Variants in SLC30A8 observed in about 807,000 individuals in gnomAD.
SLC30A8 encodes proton-coupled zinc antiporter SLC30A8.
Under a neutral mutation model 36.9 loss-of-function variants are expected in SLC30A8, and 27 were observed. That is an observed-to-expected ratio of 0.73 (90% CI 0.54 to 1.01). The LOEUF (loss-of-function observed/expected upper bound fraction) is 1.01. Among genes scored for constraint, SLC30A8 ranks in the 50% least tolerant of loss-of-function variants. The pLI, the probability that SLC30A8 is intolerant of heterozygous loss-of-function variation, is 0.00. For synonymous variants in SLC30A8, 164 were observed against 172.4 expected (o/e 0.95, Z 0.38); for missense variants, 439 against 452.0 (o/e 0.97, Z 0.26).
intron 6 of SLC30A8, among the ~76,000 whole-genome samples, chr8:117,168,525 G>A (rs1823184219): frequency 6.6e-6 from 1 of 152,134 alleles, no homozygotes; most frequent in Non-Finnish European, 1.5e-5. Flanking sequence ...GAAAGTTCTA[G>A]GATGTGATGG....
intron 1 of SLC30A8, among the ~76,000 whole-genome samples, chr8:117,024,447 C>A (rs1042850776): frequency 6.6e-6 from 1 of 152,186 alleles, no homozygotes; most frequent in Non-Finnish European, 1.5e-5. Flanking sequence ...TCCTTTTGGG[C>A]GTAATCTCTT....
intron 1 of SLC30A8, among the ~76,000 whole-genome samples, chr8:117,027,492 C>T (rs1044859975): frequency 6.6e-6 from 1 of 152,104 alleles, no homozygotes; most frequent in Non-Finnish European, 1.5e-5. Flanking sequence ...TGTTTATTTA[C>T]TTGTTAATTG....
intron 1 of SLC30A8, among the ~76,000 whole-genome samples, chr8:117,028,063 G>A (rs1816927349): frequency 6.6e-6 from 1 of 152,158 alleles, no homozygotes; most frequent in Non-Finnish European, 1.5e-5. Flanking sequence ...ATACATTTTG[G>A]TTTTGAAGGC....
At chr8:117,080,329 C>A (rs184790424) in intron 2 of SLC30A8, among the ~76,000 whole-genome samples, 8 of 151,764 alleles carry the variant, frequency 5.3e-5, no homozygotes, top group East Asian at 1.9e-4. Context: ...ATTATTTTTT[C>A]TTTTTCAATT....
intron 2 of SLC30A8, among the ~76,000 whole-genome samples, chr8:117,074,302 A>G (rs1338132783): frequency 6.6e-6 from 1 of 152,188 alleles, no homozygotes; most frequent in Non-Finnish European, 1.5e-5. Context: ...CAATGGTTTC[A>G]TTTTGAGTCA....
chr8:117,014,614 T>G (rs1816451256), intron 1 of SLC30A8, among the ~76,000 whole-genome samples: 1 of 152,188 alleles, frequency 6.6e-6, no homozygotes, highest in South Asian at 2.1e-4. Flanking sequence ...GTACGTAGTG[T>G]TACTGAAATG....
upstream of SLC30A8, among the ~76,000 whole-genome samples, chr8:117,133,366 C>T (rs528483244): frequency 6.6e-6 from 1 of 151,926 alleles, no homozygotes; most frequent in Non-Finnish European, 1.5e-5. Context: ...TGGCATGTAT[C>T]CTTCACACTC....
intron 2 of SLC30A8, among the ~76,000 whole-genome samples, chr8:117,078,115 A>T (rs1041286925): frequency 1.3e-5 from 2 of 152,152 alleles, no homozygotes; most frequent in Admixed American, 1.3e-4. Flanking sequence ...AAAATCTATG[A>T]TTAATTAAGC....
At chr8:117,076,968 G>A (rs1818510417) in intron 2 of SLC30A8, among the ~76,000 whole-genome samples, 3 of 152,208 alleles carry the variant, frequency 2.0e-5, no homozygotes, top group Admixed American at 2.0e-4. Flanking sequence ...ATGACTCTTG[G>A]TAGGGTATGT....
At chr8:116,993,244 A>G (rs977968734) in intron 1 of SLC30A8, among the ~76,000 whole-genome samples, 3 of 151,190 alleles carry the variant, frequency 2.0e-5, no homozygotes, top group Admixed American at 1.3e-4. Flanking sequence ...TCCAGGCAAG[A>G]TGGAGCAACC....
intron 1 of SLC30A8, among the ~76,000 whole-genome samples, chr8:117,137,935 C>A (rs919058765): frequency 6.6e-6 from 1 of 151,602 alleles, no homozygotes; most frequent in Non-Finnish European, 1.5e-5. Flanking sequence ...TCTTTACAGG[C>A]ATTTTACCAC....
At chr8:117,089,722 T>C (rs545529458) in intron 2 of SLC30A8, among the ~76,000 whole-genome samples, 14 of 152,020 alleles carry the variant, frequency 9.2e-5, no homozygotes, top group Admixed American at 8.5e-4. Flanking sequence ...CACACCTCTT[T>C]CCTCCTTCTT....
At position 117,175,388 on chromosome 8, in the gene SLC30A8, A is replaced by G. The variant is rs1030625627; in HGVS notation, c.*2707A>G. On this transcript the variant is annotated 3_prime_UTR_variant, in exon 8 of 8. Coordinates refer to ENST00000456015, the MANE Select transcript of SLC30A8 (RefSeq NM_173851.3). ...TCTGTGGTGATGTTAGGACCCATAA[A>G]AGAAATTTATGCCTTCCATATGTTT... 3 of 152,106 alleles carry G rather than the reference A, an allele frequency of 2.0e-5. No individual in the cohort carries two copies. The highest frequency in any genetic ancestry group is 2.9e-5 in the Non-Finnish European group (2 of 67,996). The allele number at this position is 152,106 out of a possible 1,614,324, so 9.4% of individuals were successfully genotyped here. A position where few individuals can be genotyped will look rare whatever the true frequency, so the allele number is the denominator to read the frequency against.
chr8:117,012,706 T>C lies in SLC30A8; in HGVS notation c.-265-26513T>C, dbSNP rs79363097. Among the ~76,000 whole-genome samples the C allele has an allele frequency of 3.9e-3, 497 of 129,006 alleles. 12 individuals are homozygous for C. The highest frequency in any genetic ancestry group is 0.024 in the East Asian group (100 of 4,118). The allele number at this position is 129,006 out of a possible 152,430, so 84.6% of individuals were successfully genotyped here. ...TGCATGTGTGTGTGTGTGTTGTGCATGTACATAGACATATGTATACACACA... is the reference window on the plus strand; with the variant it reads ...TGCATGTGTGTGTGTGTGTTGTGCACGTACATAGACATATGTATACACACA... On this transcript the variant is annotated intron_variant, in intron 1 of 10. Coordinates refer to the SLC30A8 transcript ENST00000427715.
chr8:117,044,815 C>T (rs560722743), intron 2 of SLC30A8, among the ~76,000 whole-genome samples: 5 of 152,324 alleles, frequency 3.3e-5, no homozygotes, highest in African/African-American at 1.2e-4. Flanking sequence ...ATCAGATCCT[C>T]CTGGGCGGTG....
At chr8:116,960,563 A>G (rs544887704) in intron 1 of SLC30A8, among the ~76,000 whole-genome samples, 1 of 152,344 alleles carries the variant, frequency 6.6e-6, no homozygotes, top group East Asian at 1.9e-4. Flanking sequence ...ACCCCAGTCC[A>G]TAGACTTGTC....
chr8:116,985,014 A>C (rs905556145), intron 1 of SLC30A8, among the ~76,000 whole-genome samples: 1 of 152,194 alleles, frequency 6.6e-6, no homozygotes, highest in East Asian at 1.9e-4. Context: ...GTTGGTCTTT[A>C]TATTTATGGT....
chr8:117,081,438 C>CT (rs1818675646), intron 2 of SLC30A8, among the ~76,000 whole-genome samples: 1 of 152,226 alleles, frequency 6.6e-6, no homozygotes, highest in African/African-American at 2.4e-5. Flanking sequence ...ATCTCTTCCT[C>CT]TTTTTGTGAG....
At chr8:117,160,870 G>C (rs2129655741) in intron 4 of SLC30A8, among the ~76,000 whole-genome samples, 1 of 152,298 alleles carries the variant, frequency 6.6e-6, no homozygotes, top group Non-Finnish European at 1.5e-5. Context: ...AATAGAATGG[G>C]ATACATGGTG....
Sources: allele counts gnomAD v4.1 joint callset (sites outside exome capture counted in the v4.1 genomes callset), GRCh38; gene constraint gnomAD v4.1.1; transcripts MANE v1.5; gene names NCBI Gene and HGNC (gene_info 2026-07-23, HGNC 2026-07-21).